ECEL1: variants seen among roughly 807,000 people sequenced by gnomAD.
ECEL1 encodes the protein endothelin converting enzyme like 1, also known as endothelin-converting enzyme-like 1.
In ECEL1, 87 loss-of-function variants were observed where a neutral mutation model predicts 101.8. The observed-to-expected ratio is 0.85, with a 90% CI of 0.72 to 1.02. The LOEUF is 1.02. ECEL1 is among the 50% of genes least tolerant of loss of function. The probability of loss-of-function intolerance (pLI) is 0.00; values close to 1 mark genes in which losing one functional copy is unlikely to be tolerated. For missense variants in ECEL1, 1,032 were observed against 1,079.2 expected (o/e 0.96, Z 0.61); for synonymous variants, 487 against 468.7 (o/e 1.04, Z -0.50).
At chr2:232,482,751 GC>G (rs1390839750) in intron 10 of ECEL1, 99 bp downstream of exon 10, 2 of 1,513,644 alleles carry the variant, frequency 1.3e-6, no homozygotes, top group Non-Finnish European at 9.1e-7. Context: ...TGGCGTGTGT[GC>G]CCCCCATATC....
chr2:232,485,750 C>T (rs1254870238), intron 2 of ECEL1, 118 bp downstream of exon 2: 2 of 1,330,772 alleles, frequency 1.5e-6, no homozygotes, highest in South Asian at 1.4e-5. Flanking sequence ...CCCTCTCCTG[C>T]TCGTCTCTTC....
At chr2:232,483,008 G>A (rs1231510517) in intron 9 of ECEL1, 54 bp from the exon 10 acceptor site, 1 of 1,612,246 alleles carries the variant, frequency 6.2e-7, no homozygotes, top group East Asian at 2.2e-5. Flanking sequence ...GCTACCTGCA[G>A]ACTGGGCAAC....
intron 4 of ECEL1, 23 bp downstream of exon 4, chr2:232,484,958 G>T: frequency 6.2e-7 from 1 of 1,612,832 alleles, no homozygotes. Flanking sequence ...GCCCAGGGCA[G>T]CCTCCAGTCC....
In ECEL1 at chr2:232,486,096, C is replaced by G. The variant is rs1690717076; in HGVS notation, c.558G>C (p.Ser186=). 6.3e-7 allele frequency: 1 copy of G among 1,595,072 alleles called. No individual in the cohort carries two copies. Among genetic ancestry groups the G allele is most frequent in the African/African-American group, 1.3e-5 (1 of 74,488 alleles). The part of the protein sequence containing the change: ...AQRKVRAFFR[S]CLDMREIERL... ...GCTCGATCTCGCGCATGTCGAGGCA[C>G]GAGCGGAAGAAGGCGCGCACCTTGC... The change falls in exon 2 of 18, where the codon TCG becomes TCC. Residue 186 remains serine, a synonymous_variant. Transcript: ENST00000304546.
At chr2:232,482,709 C>A in intron 10 of ECEL1, 101 bp from the exon 11 acceptor site, 1 of 1,516,608 alleles carries the variant, frequency 6.6e-7, no homozygotes, top group South Asian at 1.2e-5. Flanking sequence ...GTCTGGGGGT[C>A]ACCCTGCCGG....
In ECEL1 at chr2:232,482,608, C is replaced by A; in HGVS notation, c.1686G>T (p.Thr562=). The A allele has an allele frequency of 6.2e-7, 1 of 1,611,164 alleles. No homozygotes were observed. The highest frequency in any genetic ancestry group is 8.5e-7 in the Non-Finnish European group (1 of 1,178,530). ...TGAGCGCCTGTGGGGGGAGCAGCCA[C>A]CTGTGGAGGGATGCTGGGGTGAATG... ...KKIRQEVDKS[T]WLLPPQALNA... The change falls in exon 11 of 18, where the codon ACG becomes ACT. Residue 562 remains threonine (T), a splice_region_variant and synonymous_variant. Transcript: ENST00000304546.
chr2:232,484,494 G>A lies in ECEL1; in HGVS notation c.1162C>T (p.Leu388Phe). 6.2e-7 allele frequency: 1 copy of A among 1,613,926 alleles called. No individual in the cohort carries two copies. The highest frequency in any genetic ancestry group is 8.5e-7 in the Non-Finnish European group (1 of 1,180,018). Residue 388 changes from leucine to phenylalanine, a missense_variant, in exon 6 of 18, where the codon CTC becomes TTC. Coordinates refer to ENST00000304546, the MANE Select transcript of ECEL1 (RefSeq NM_004826.4). ...TACCGGTGGGGTGTGGAGCGGATGA[G>A]CTGCGACACCTGCTGCATGTAGTCT... ...ATDYMQQVSQ[L>F]IRSTPHRVLH...
rs1690548583 is a variant in ECEL1 at position 232,480,457 on chromosome 2, G to A, written c.2170C>T (p.Arg724Trp). The A allele has an allele frequency of 3.1e-6, 5 of 1,613,888 alleles. No homozygotes were observed. The East Asian group carries it at 8.9e-5, about 29-fold the overall frequency. Residue 724 changes from arginine (R) to tryptophan (W), a missense_variant, in exon 17 of 18, where the codon CGG (arginine) becomes TGG (tryptophan). Transcript: ENST00000304546. Reference protein sequence around the residue: ...AFAQNWCIKRRSQSIYLQVLT... With the variant: ...AFAQNWCIKRWSQSIYLQVLT... ...ACCTGCAGGTAGATGGACTGCGACC[G>A]CCGCTTGATGCACCAGTTCTGGGTC... is the stretch of plus-strand genomic sequence containing the variant.
In ECEL1 at chr2:232,486,201, C is replaced by G; in HGVS notation, c.453G>C (p.Ala151=). The change falls in exon 2 of 18, where the codon GCG becomes GCC. Residue 151 remains alanine, a synonymous_variant. Coordinates refer to ENST00000304546, the MANE Select transcript of ECEL1 (RefSeq NM_004826.4). ...GCTCCTCGTTTTGCTCGCCGATGGC[C>G]GCGATGGTGCCATAGGTGAGCTTGT... ...PDDKLTYGTI[A]AIGEQNEERL... The G allele has an allele frequency of 6.3e-7, 1 of 1,598,016 alleles. No individual in the cohort carries two copies. The highest frequency in any genetic ancestry group is 8.5e-7 in the Non-Finnish European group (1 of 1,177,290).
At chr2:232,484,438 C>T (rs368680125) in intron 6 of ECEL1, 34 bp downstream of exon 6, 38 of 1,610,296 alleles carry the variant, frequency 2.4e-5, no homozygotes, top group African/African-American at 6.7e-5. Flanking sequence ...ACCTAGTGAC[C>T]GCTGGGCAGA....
At chr2:232,487,222 C>T (rs1427702383) in intron 1 of ECEL1, among the ~76,000 whole-genome samples, 1 of 152,210 alleles carries the variant, frequency 6.6e-6, no homozygotes, top group Non-Finnish European at 1.5e-5. Flanking sequence ...GGCCAAAGAA[C>T]CAAACTTTGT....
In ECEL1 at chr2:232,480,155, A is replaced by C; in HGVS notation, c.2326T>G (p.Ter776GlyextTer78). 6.2e-7 allele frequency: 1 copy of C among 1,613,776 alleles called. No individual in the cohort carries two copies. ...GGCGTGCAGGCGGGCAGCCAGGCTC[A>C]CCACACGGAACACTTGTGGGCAGGG... ...MNPAHKCSVW[*>G] The change falls in exon 18 of 18, where the codon TGA (stop) becomes GGA (glycine). Residue 776 changes from the stop codon to glycine, a stop_lost. Coordinates refer to ENST00000304546, the MANE Select transcript of ECEL1 (RefSeq NM_004826.4).
At position 232,481,162 on chromosome 2, in the gene ECEL1, G is replaced by T; in HGVS notation, c.1990-6C>A. The T allele has an allele frequency of 6.4e-7, 1 of 1,561,166 alleles. No homozygotes were observed. ...AGCGTGTGTTTCCCGTTCACCTGCCGGGAAGGGAAGAGGCCAGGGGGCTGC... is the reference window on the plus strand; with the variant it reads ...AGCGTGTGTTTCCCGTTCACCTGCCTGGAAGGGAAGAGGCCAGGGGGCTGC... On this transcript the variant is annotated splice_polypyrimidine_tract_variant and splice_region_variant and intron_variant, in intron 14 of 17. Transcript: ENST00000304546.
chr2:232,480,507 G>C (rs752069023), intron 16 of ECEL1, 32 bp from the exon 17 acceptor site: 8 of 1,612,308 alleles, frequency 5.0e-6, no homozygotes, highest in African/African-American at 1.3e-5. Context: ...AGGGGAGGAG[G>C]GGGAGATGAA....
At chr2:232,487,037 T>A (rs1468902205) in intron 1 of ECEL1, among the ~76,000 whole-genome samples, 1 of 152,274 alleles carries the variant, frequency 6.6e-6, no homozygotes, top group East Asian at 1.9e-4. Flanking sequence ...TAGTGGGCCT[T>A]CATTGAAAGG....
intron 12 of ECEL1, 100 bp downstream of exon 12, chr2:232,482,318 G>A: frequency 1.3e-6 from 2 of 1,530,376 alleles, no homozygotes; most frequent in South Asian, 2.2e-5. Flanking sequence ...AGCTGGGTCT[G>A]GGGCGATTGG....
rs768135234 is a variant in ECEL1, at chr2:232,480,738, A to G, written c.2131T>C (p.Phe711Leu). Reference protein sequence around the residue: ...PRLKYTHDQLFFIAFAQNWCI... With the variant: ...PRLKYTHDQLLFIAFAQNWCI... ...CCCACCTGGGCAAAGGCAATGAAGA[A>G]GAGCTGGTCATGTGTGTACTTGAGC... is the stretch of plus-strand genomic sequence containing the variant. Residue 711 changes from phenylalanine (F) to leucine (L), a missense_variant, in exon 16 of 18, where the codon TTC becomes CTC. Coordinates refer to ENST00000304546, the MANE Select transcript of ECEL1 (RefSeq NM_004826.4). 1.9e-6 allele frequency: 3 copies of G among 1,613,890 alleles called. No homozygotes were observed. The highest frequency in any genetic ancestry group is 2.5e-6 in the Non-Finnish European group (3 of 1,179,778).
At chr2:232,481,980 G>A in intron 12 of ECEL1, 131 bp from the exon 13 acceptor site, 1 of 1,170,282 alleles carries the variant, frequency 8.5e-7, no homozygotes, top group Non-Finnish European at 1.2e-6. Flanking sequence ...CATCCGTGCG[G>A]TCCAGGGGCA....
At chr2:232,487,110 G>A (rs574998036) in intron 1 of ECEL1, among the ~76,000 whole-genome samples, 26 of 152,344 alleles carry the variant, frequency 1.7e-4, no homozygotes, top group African/African-American at 6.3e-4. Flanking sequence ...CGGGTGGAGT[G>A]GGGGAAGAAG....
Sources: allele counts gnomAD v4.1 joint callset (sites outside exome capture counted in the v4.1 genomes callset), GRCh38; gene constraint gnomAD v4.1.1; transcripts MANE v1.5; gene names NCBI Gene and HGNC (gene_info 2026-07-23, HGNC 2026-07-21).